The following FHOD1 variants were observed in gnomAD, a reference collection of about 807,000 sequenced individuals.
The protein encoded by FHOD1 is formin homology 2 domain containing 1, also known as FH1/FH2 domain-containing protein 1.
In FHOD1, 89 loss-of-function variants were observed where a neutral mutation model predicts 111.6. The observed-to-expected ratio is 0.80, with a 90% CI of 0.67 to 0.95. The LOEUF (loss-of-function observed/expected upper bound fraction) is 0.95, where lower values mean the gene tolerates loss of function less well. FHOD1 is among the 40% of genes least tolerant of loss of function. The pLI is 0.00. For missense variants in FHOD1, 1,446 were observed against 1,554.2 expected, an observed-to-expected ratio of 0.93 and a Z score of 1.17; for synonymous variants, 618 against 639.0, an observed-to-expected ratio of 0.97 and a Z score of 0.50.
rs1405227528 is a variant in FHOD1 at position 67,234,483 on chromosome 16, G to A, written c.1320-11C>T. 6.4e-7 allele frequency: 1 copy of A among 1,568,772 alleles called. No homozygotes were observed. Among genetic ancestry groups the A allele is most frequent in the Admixed American group, 1.8e-5 (1 of 54,360 alleles). On this transcript the variant is annotated splice_polypyrimidine_tract_variant and intron_variant, in intron 11 of 21. Transcript: ENST00000258201. ...TCCAGGAACCGGGCTCTGAGGGAAGGTGCTTGTCACTGACAGCGTCTGACA... is the reference window on the plus strand; with the variant it reads ...TCCAGGAACCGGGCTCTGAGGGAAGATGCTTGTCACTGACAGCGTCTGACA...
rs745452115 is a variant in FHOD1 at position 67,230,606 on chromosome 16, G to T, written c.2853C>A (p.Cys951Ter). 6.2e-7 allele frequency: 1 copy of T among 1,614,124 alleles called. No homozygotes were observed. Among genetic ancestry groups the T allele is most frequent in the Admixed American group, 1.7e-5 (1 of 60,028 alleles). ...AMLRIVHRRV[C>*]NRFHAFLLYL... is the part of the protein sequence containing the mutation. ...TCTTGGGTCCATGCCCCTACCTATTGCAGACACGGCGGTGCACTATCCTTA... is the reference window on the plus strand; with the variant it reads ...TCTTGGGTCCATGCCCCTACCTATTTCAGACACGGCGGTGCACTATCCTTA... The change falls in exon 18 of 22, where the codon TGC becomes TGA. Residue 951 changes from cysteine (C) to a stop codon, truncating the protein, a stop_gained. Coordinates refer to ENST00000258201, the MANE Select transcript of FHOD1 (RefSeq NM_013241.3). LOFTEE classifies it high-confidence loss of function.
intron 13 of FHOD1, 67 bp downstream of exon 13, chr16:67,233,590 G>A: frequency 6.6e-7 from 1 of 1,506,394 alleles, no homozygotes. Flanking sequence ...GCTCCAACAG[G>A]TCAGATCCTT....
chr16:67,237,022 C>CT lies in FHOD1; in HGVS notation c.1085dup (p.Arg363GlufsTer69). The CT allele has an allele frequency of 6.2e-7, 1 of 1,612,814 alleles. No homozygotes were observed. On this transcript the variant is annotated frameshift_variant, in exon 10 of 22. Transcript: ENST00000258201. LOFTEE classifies it high-confidence loss of function. This position sits in a 1 kb window ranked among gnomAD's most constrained non-coding sequence, Gnocchi z 5.6. ...CGCCTTCCAGAGAACGGCGGCTCCT[C>CT]TTGCCCTCCTCAGAAGAAGGCTTTC...
rs2034264605 is a variant in FHOD1 at position 67,231,400 on chromosome 16, T to TC, written c.2505+29dup. 4 of 1,613,322 alleles carry TC rather than the reference T, an allele frequency of 2.5e-6. No individual in the cohort carries two copies. In the East Asian group the frequency reaches 8.9e-5, roughly 36 times the overall value. On this transcript the variant is annotated intron_variant, in intron 16 of 21. Coordinates refer to ENST00000258201, the MANE Select transcript of FHOD1 (RefSeq NM_013241.3). This position sits in a 1 kb window ranked among gnomAD's most constrained non-coding sequence, Gnocchi z 4.3. Reference sequence around the variant, plus strand: ...GCCTGGTTGGCTCCAGAACCCTGACTCCCCCTAGTCCCCATGTACTCTCAC... The same window carrying TC: ...GCCTGGTTGGCTCCAGAACCCTGACTCCCCCCTAGTCCCCATGTACTCTCAC...
At chr16:67,232,008 C>A (rs774952608) in intron 14 of FHOD1, 31 bp downstream of exon 14, 16 of 1,610,612 alleles carry the variant, frequency 9.9e-6, no homozygotes, top group African/African-American at 5.3e-5. Context: ...GGCCAGACCT[C>A]CCCCCAACAC....
In FHOD1 at chr16:67,230,236, AAG is replaced by A. The variant is rs762977687; in HGVS notation, c.3052-10_3052-9del. On this transcript the variant is annotated splice_polypyrimidine_tract_variant and intron_variant, in intron 19 of 21. Coordinates refer to ENST00000258201, the MANE Select transcript of FHOD1 (RefSeq NM_013241.3). ...ACCTGAGAACTTCTCTGTCTGGAGA[AAG>A]AAGAAGGGTGAGCTGGGAGGAGCGA... 1.2e-6 allele frequency: 2 copies of A among 1,613,690 alleles called. No individual in the cohort carries two copies. The highest frequency in any genetic ancestry group is 1.7e-6 in the Non-Finnish European group (2 of 1,179,818).
In FHOD1 at chr16:67,242,359, T is replaced by G. The variant is rs1385529326; in HGVS notation, c.202-2905A>C. Among the ~76,000 whole-genome samples the G allele has an allele frequency of 2.6e-5, 4 of 152,094 alleles. No individual in the cohort carries two copies. In the East Asian group the frequency reaches 7.7e-4, roughly 29 times the overall value. ...TGGGGAGGAGGTCCAGGGAAACAGG[T>G]AGTCCAGTGCCTTCCAGGACAGTGT... On this transcript the variant is annotated intron_variant, in intron 1 of 21. Coordinates refer to ENST00000258201, the MANE Select transcript of FHOD1 (RefSeq NM_013241.3).
In FHOD1 at chr16:67,237,778, G is replaced by C; in HGVS notation, c.643-10C>G. On this transcript the variant is annotated splice_polypyrimidine_tract_variant and intron_variant, in intron 6 of 21. Coordinates refer to ENST00000258201, the MANE Select transcript of FHOD1 (RefSeq NM_013241.3). The surrounding 1 kb of genome is among the most constrained non-coding windows in gnomAD (Gnocchi z 5.6). ...TCACCACCAAGCGGGACTGAGGAGA[G>C]AGGTCAGTACATATGAGTGGGGCTT... 1 of 1,611,704 alleles carries C rather than the reference G, an allele frequency of 6.2e-7. No homozygotes were observed. Among genetic ancestry groups the C allele is most frequent in the Non-Finnish European group, 8.5e-7 (1 of 1,177,744 alleles).
chr16:67,234,702 G>C, intron 11 of FHOD1: 1 of 525,912 alleles, frequency 1.9e-6, no homozygotes, highest in East Asian at 3.0e-5. Context: ...TGAAAACACA[G>C]GGAGAGGATC....
chr16:67,230,361 C>CCTGCTT lies in FHOD1; in HGVS notation c.2998_3003dup (p.Lys1000_Gln1001dup), dbSNP rs1326981549. The CCTGCTT allele has an allele frequency of 6.2e-7, 1 of 1,614,238 alleles. No individual in the cohort carries two copies. The highest frequency in any genetic ancestry group is 8.5e-7 in the Non-Finnish European group (1 of 1,180,040). Reference sequence around the variant, plus strand: ...GTCTTGTTGCGCTCACGGTATGTGGCCTGCTTCTGCTGCTGCTGTAGCACT... The same window carrying CCTGCTT: ...GTCTTGTTGCGCTCACGGTATGTGGCCTGCTTCTGCTTCTGCTGCTGCTGTAGCACT... On this transcript the variant is annotated inframe_insertion, in exon 19 of 22. Coordinates refer to ENST00000258201, the MANE Select transcript of FHOD1 (RefSeq NM_013241.3).
rs2034294467 is a variant in FHOD1, at chr16:67,231,988, C to T, written c.2202+51G>A. ...AGAGGGACAGGAAATGCCCACCTAC[C>T]AAAGGAGAAGGCCAGACCTCCCCCC... On this transcript the variant is annotated intron_variant, in intron 14 of 21. Coordinates refer to ENST00000258201, the MANE Select transcript of FHOD1 (RefSeq NM_013241.3). This position sits in a 1 kb window ranked among gnomAD's most constrained non-coding sequence, Gnocchi z 4.3. 1 of 1,603,822 alleles carries T rather than the reference C, an allele frequency of 6.2e-7. No individual in the cohort carries two copies. The highest frequency in any genetic ancestry group is 8.5e-7 in the Non-Finnish European group (1 of 1,173,626).
In FHOD1 at chr16:67,234,382, C is replaced by A. The variant is rs2034401584; in HGVS notation, c.1410G>T (p.Met470Ile). ...QGRAETLAGA[M>I]PNEAGGHPDA... ...CTGGGTGTCCACCCGCCTCATTGGG[C>A]ATGGCCCCGGCAAGTGTCTCTGCCC... The change falls in exon 12 of 22, where the codon ATG becomes ATT. Residue 470 changes from methionine to isoleucine, a missense_variant. Coordinates refer to ENST00000258201, the MANE Select transcript of FHOD1 (RefSeq NM_013241.3). 6.2e-7 allele frequency: 1 copy of A among 1,610,768 alleles called. No homozygotes were observed. Among genetic ancestry groups the A allele is most frequent in the East Asian group, 2.2e-5 (1 of 44,850 alleles).
intron 17 of FHOD1, 196 bp from the exon 18 acceptor site, chr16:67,230,987 TAAAC>T: frequency 1.2e-6 from 1 of 851,078 alleles, no homozygotes; most frequent in South Asian, 1.8e-5. Flanking sequence ...AAGTGGCAGT[TAAAC>T]AGACCCAAAG....
rs202036259 is a variant in FHOD1 at position 67,234,142 on chromosome 16, G to T, written c.1561C>A (p.Pro521Thr). 3.8e-6 allele frequency: 6 copies of T among 1,566,626 alleles called. No homozygotes were observed. The highest frequency in any genetic ancestry group is 2.6e-6 in the Non-Finnish European group (3 of 1,153,954). Reference sequence around the variant, plus strand: ...ATGGGCTCAGCCTTGGGGCTTGCTGGTATCAGTGGCTCCTTGGGCTCTGGT... The same window carrying T: ...ATGGGCTCAGCCTTGGGGCTTGCTGTTATCAGTGGCTCCTTGGGCTCTGGT... The part of the protein sequence containing the change: ...LAPEPKEPLI[P>T]ASPKAEPIWE... The change falls in exon 13 of 22, where the codon CCA becomes ACA. Residue 521 changes from proline to threonine, a missense_variant. This residue lies in a region of FHOD1 where 1,085 missense variants were observed against 1,108.8 expected (regional missense o/e 0.98). Coordinates refer to ENST00000258201, the MANE Select transcript of FHOD1 (RefSeq NM_013241.3).
intron 17 of FHOD1, 58 bp from the exon 18 acceptor site, chr16:67,230,849 C>T: frequency 2.0e-6 from 3 of 1,511,106 alleles, no homozygotes; most frequent in Non-Finnish European, 1.8e-6. Context: ...CAAGACATGG[C>T]CCGAGGCTGC....
At position 67,234,154 on chromosome 16, in the gene FHOD1, C is replaced by T. The variant is rs147764255; in HGVS notation, c.1549G>A (p.Glu517Lys). The T allele has an allele frequency of 1.4e-4, 217 of 1,560,944 alleles. 1 individual carries two copies. In the African/African-American group the frequency reaches 2.6e-3, roughly 19 times the overall value. Residue 517 changes from glutamate (E) to lysine (K), a missense_variant, in exon 13 of 22, where the codon GAG (glutamate) becomes AAG (lysine). This residue lies in a region of FHOD1 where 1,085 missense variants were observed against 1,108.8 expected (regional missense o/e 0.98). Coordinates refer to ENST00000258201, the MANE Select transcript of FHOD1 (RefSeq NM_013241.3). Reference sequence around the variant, plus strand: ...TTGGGGCTTGCTGGTATCAGTGGCTCCTTGGGCTCTGGTGCAAGGCTTCGC... The same window carrying T: ...TTGGGGCTTGCTGGTATCAGTGGCTTCTTGGGCTCTGGTGCAAGGCTTCGC... ...AQRSLAPEPK[E>K]PLIPASPKAE...
rs1336472782 is a variant in FHOD1, at chr16:67,236,679, C to A, written c.1197G>T (p.Leu399=). 3 of 1,597,810 alleles carry A rather than the reference C, an allele frequency of 1.9e-6. No individual in the cohort carries two copies. The highest frequency in any genetic ancestry group is 1.1e-5 in the South Asian group (1 of 88,982). Residue 399 remains leucine (L), a synonymous_variant, in exon 11 of 22, where the codon CTG becomes CTT. Coordinates refer to ENST00000258201, the MANE Select transcript of FHOD1 (RefSeq NM_013241.3). ...VGPTSSTGPA[L]LTGPASSPVG... ...CAGGGCTGGAGGCGGGGCCTGTCAG[C>A]AGGGCGGGGCCGGTGGAAGAGGTGG...
chr16:67,234,899 C>T lies in FHOD1; in HGVS notation c.1320-427G>A, dbSNP rs114472744. On this transcript the variant is annotated intron_variant, in intron 11 of 21. Transcript: ENST00000258201. ...TCAGCCTCCCAAGTAGCTGGGACTACAGACATGTGCCACCACGTCCAGCTG... is the reference window on the plus strand; with the variant it reads ...TCAGCCTCCCAAGTAGCTGGGACTATAGACATGTGCCACCACGTCCAGCTG... 1,017 of 162,238 alleles carry T rather than the reference C, an allele frequency of 6.3e-3. 12 individuals are homozygous for T. Among genetic ancestry groups the T allele is most frequent in the African/African-American group, 0.023 (945 of 41,862 alleles). The allele number at this position is 162,238 out of a possible 1,614,324, so 10.0% of individuals were successfully genotyped here. A position where few individuals can be genotyped will look rare whatever the true frequency, so the allele number is the denominator to read the frequency against.
In FHOD1 at chr16:67,230,244, G is replaced by T. The variant is rs770216033; in HGVS notation, c.3052-16C>A. Reference sequence around the variant, plus strand: ...ACTTCTCTGTCTGGAGAAAGAAGAAGGGTGAGCTGGGAGGAGCGAAGGAAA... The same window carrying T: ...ACTTCTCTGTCTGGAGAAAGAAGAATGGTGAGCTGGGAGGAGCGAAGGAAA... On this transcript the variant is annotated splice_polypyrimidine_tract_variant and intron_variant, in intron 19 of 21. Coordinates refer to ENST00000258201, the MANE Select transcript of FHOD1 (RefSeq NM_013241.3). 7 of 1,613,670 alleles carry T rather than the reference G, an allele frequency of 4.3e-6. No individual in the cohort carries two copies. In the African/African-American group the frequency reaches 6.7e-5, roughly 15 times the overall value.
Sources: gnomAD v4.1 joint callset for allele counts (sites outside exome capture counted in the v4.1 genomes callset) on GRCh38, gnomAD v4.1.1 for gene constraint, gnomAD v4.1.1 regional missense constraint, Gnocchi (gnomAD v3.1) non-coding constraint, MANE v1.5 for transcripts, NCBI Gene and HGNC (gene_info 2026-07-23, HGNC 2026-07-21) for gene names.